Variants in ADAMTS9 observed in about 807,000 individuals in gnomAD.
The protein encoded by ADAMTS9 is A disintegrin and metalloproteinase with thrombospondin motifs 9.
Under a neutral mutation model 257.1 loss-of-function variants are expected in ADAMTS9, and 107 were observed. The observed-to-expected ratio is 0.42, with a 90% confidence interval of 0.36 to 0.49. ADAMTS9 has a LOEUF of 0.49. Ranked by LOEUF, ADAMTS9 falls within the 20% of genes least tolerant of loss-of-function variation. The pLI, the probability that ADAMTS9 is intolerant of heterozygous loss-of-function variation, is 0.03. For missense variants in ADAMTS9, 2,353 were observed against 2,469.1 expected, an observed-to-expected ratio of 0.95 and a Z score of 1.00; for synonymous variants, 982 against 880.9, an observed-to-expected ratio of 1.11 and a Z score of -2.03.
intron 3 of ADAMTS9, among the ~76,000 whole-genome samples, chr3:64,677,088 G>A (rs1007631096): frequency 3.9e-5 from 6 of 152,136 alleles, no homozygotes; most frequent in African/African-American, 1.2e-4. Flanking sequence ...GCAGGAAGTG[G>A]CTTATAAAAG....
chr3:64,619,874 G>A (rs768647809), intron 19 of ADAMTS9, among the ~76,000 whole-genome samples: 29 of 152,128 alleles, frequency 1.9e-4, no homozygotes, highest in Admixed American at 7.2e-4. Context: ...TCAGTTTAGC[G>A]GTTAGTTAAC....
rs370504437 is a variant in ADAMTS9 at position 64,604,107 on chromosome 3, A to C, written c.3580-18T>G. On this transcript the variant is annotated intron_variant, in intron 24 of 39. Coordinates refer to ENST00000498707, the MANE Select transcript of ADAMTS9 (RefSeq NM_182920.2). ...GCTGAGCACTGGGTGTTGGAGTAAAATCATGCAGTTATATTACGTGGAATG... is the reference window on the plus strand; with the variant it reads ...GCTGAGCACTGGGTGTTGGAGTAAACTCATGCAGTTATATTACGTGGAATG... 1.9e-6 allele frequency: 3 copies of C among 1,613,574 alleles called. No homozygotes were observed. The African/African-American group carries it at 4.0e-5, about 22-fold the overall frequency.
chr3:64,520,328 T>C (rs142984761), intron 39 of ADAMTS9, among the ~76,000 whole-genome samples: 266 of 152,308 alleles, frequency 1.7e-3, no homozygotes, highest in African/African-American at 6.0e-3. Flanking sequence ...TGCTCATCTA[T>C]TGGAAGAATC....
chr3:64,678,601 G>A (rs1473436063), intron 3 of ADAMTS9, among the ~76,000 whole-genome samples: 1 of 152,118 alleles, frequency 6.6e-6, no homozygotes, highest in African/African-American at 2.4e-5. Context: ...CTCTTGATTG[G>A]GGGTTGGGAG....
intron 19 of ADAMTS9, among the ~76,000 whole-genome samples, chr3:64,618,786 C>A (rs1044317056): frequency 6.6e-6 from 1 of 152,102 alleles, no homozygotes; most frequent in Admixed American, 6.6e-5. Flanking sequence ...TGTAACTCCA[C>A]GTAAACCAAT....
chr3:64,687,321 G>A lies in ADAMTS9; in HGVS notation c.115+222C>T, dbSNP rs1701941777. On this transcript the variant is annotated intron_variant, in intron 1 of 39. Coordinates refer to ENST00000498707, the MANE Select transcript of ADAMTS9 (RefSeq NM_182920.2). This position sits in a 1 kb window ranked among gnomAD's most constrained non-coding sequence, Gnocchi z 4.4. ...TGGGAGTGGGGATGGGGATATATCT[G>A]GCAACAGCAAGGTAGGGGGGGGTTG... Among the ~76,000 whole-genome samples, 2 of 152,126 alleles carry A rather than the reference G, an allele frequency of 1.3e-5. No homozygotes were observed. The highest frequency in any genetic ancestry group is 4.1e-4 in the South Asian group (2 of 4,830).
chr3:64,621,820 G>A (rs1000395124), intron 18 of ADAMTS9, among the ~76,000 whole-genome samples: 2 of 151,096 alleles, frequency 1.3e-5, no homozygotes, highest in African/African-American at 4.9e-5. Flanking sequence ...GAAAAAAAAG[G>A]TAGGCGGTAG....
intron 38 of ADAMTS9, among the ~76,000 whole-genome samples, chr3:64,529,534 G>A (rs182526673): frequency 2.0e-5 from 3 of 152,204 alleles, no homozygotes; most frequent in African/African-American, 7.2e-5. Context: ...ACTGGCCAGG[G>A]TCTGAGCATC....
At chr3:64,536,192 C>T (rs140605918) in intron 37 of ADAMTS9, among the ~76,000 whole-genome samples, 2 of 152,318 alleles carry the variant, frequency 1.3e-5, no homozygotes, top group African/African-American at 2.4e-5. Context: ...AGATCATCCT[C>T]CTCATTCTCC....
intron 3 of ADAMTS9, among the ~76,000 whole-genome samples, chr3:64,661,559 C>T (rs1047388948): frequency 1.3e-5 from 2 of 152,146 alleles, no homozygotes; most frequent in South Asian, 4.1e-4. Flanking sequence ...AGGAATCAGT[C>T]GTAGATTTGC....
At position 64,665,411 on chromosome 3, in the gene ADAMTS9, G is replaced by A. The variant is rs528431632; in HGVS notation, c.680-6620C>T. Among the ~76,000 whole-genome samples the A allele has an allele frequency of 9.2e-4, 140 of 152,298 alleles. 3 individuals are homozygous for A. The highest frequency in any genetic ancestry group is 3.1e-3 in the African/African-American group (128 of 41,584). ...CCTCCGTCCTCCCACTTACAATGTG[G>A]AGTAAGAACAGTACCTATTTCATAG... On this transcript the variant is annotated intron_variant, in intron 3 of 39. Coordinates refer to ENST00000498707, the MANE Select transcript of ADAMTS9 (RefSeq NM_182920.2).
chr3:64,653,967 T>C (rs930463221), intron 8 of ADAMTS9, among the ~76,000 whole-genome samples: 3 of 145,094 alleles, frequency 2.1e-5, no homozygotes, highest in Admixed American at 7.3e-5. Flanking sequence ...GCCACAGTAA[T>C]GGTGGGGGAC....
At position 64,651,084 on chromosome 3, in the gene ADAMTS9, G is replaced by T. The variant is rs1280733421; in HGVS notation, c.1396C>A (p.Leu466Met). 2.5e-6 allele frequency: 4 copies of T among 1,607,738 alleles called. No homozygotes were observed. The highest frequency in any genetic ancestry group is 3.4e-5 in the Admixed American group (2 of 58,528). The part of the protein sequence containing the change: ...KSPQHVMAPT[L>M]NFYTNPWMWS... ...ATCCAGGGGTTGGTGTAGAAGTTCA[G>T]TGTTGGAGCCATGACATGCTGGGGA... Residue 466 changes from leucine (L) to methionine (M), a missense_variant, in exon 9 of 40, where the codon CTG becomes ATG. By Grantham distance (15) the Leu-to-Met change is conservative (BLOSUM62 2). Coordinates refer to ENST00000498707, the MANE Select transcript of ADAMTS9 (RefSeq NM_182920.2).
At chr3:64,582,641 G>A (rs968722540) in intron 28 of ADAMTS9, 10 of 152,272 alleles carry the variant, frequency 6.6e-5, no homozygotes, top group East Asian at 1.9e-4. Flanking sequence ...TGTCACAACC[G>A]AGGGGGTATG....
At chr3:64,598,339 G>A (rs1179414024) in intron 26 of ADAMTS9, among the ~76,000 whole-genome samples, 1 of 145,738 alleles carries the variant, frequency 6.9e-6, no homozygotes, top group Non-Finnish European at 1.5e-5. Flanking sequence ...TTTTTTTGAG[G>A]TGGGGTTTTG....
At chr3:64,542,002 T>C in intron 32 of ADAMTS9, 32 bp from the exon 33 acceptor site, 1 of 1,613,282 alleles carries the variant, frequency 6.2e-7, no homozygotes, top group African/African-American at 1.3e-5. Flanking sequence ...GCGGTGTGGC[T>C]ATGGAATGTG....
Position 64,646,721 on chromosome 3 carries a change from C to T in ADAMTS9, c.1710+1219G>A, listed in dbSNP as rs150392160. Among the ~76,000 whole-genome samples, 767 of 152,260 alleles carry T rather than the reference C, an allele frequency of 5.0e-3. 1 individual carries two copies. The highest frequency in any genetic ancestry group is 8.8e-3 in the Non-Finnish European group (597 of 68,014). ...TTTTAAACTTTCATATCCTCAGGATCCTTTAACACTGAAAAAACCACTAGT... is the reference window on the plus strand; with the variant it reads ...TTTTAAACTTTCATATCCTCAGGATTCTTTAACACTGAAAAAACCACTAGT... On this transcript the variant is annotated intron_variant, in intron 11 of 39. Coordinates refer to ENST00000498707, the MANE Select transcript of ADAMTS9 (RefSeq NM_182920.2).
intron 25 of ADAMTS9, among the ~76,000 whole-genome samples, chr3:64,602,424 C>A (rs2084480370): frequency 6.6e-6 from 1 of 152,150 alleles, no homozygotes; most frequent in Non-Finnish European, 1.5e-5. Flanking sequence ...CAAAATATAA[C>A]CCTTTACAAC....
At chr3:64,620,104 G>A (rs1339060649) in intron 19 of ADAMTS9, among the ~76,000 whole-genome samples, 1 of 151,972 alleles carries the variant, frequency 6.6e-6, no homozygotes, top group Non-Finnish European at 1.5e-5. Context: ...GTGACACTGG[G>A]TAGAGGCTAG....
Sources: allele counts gnomAD v4.1 joint callset (sites outside exome capture counted in the v4.1 genomes callset), GRCh38; gene constraint gnomAD v4.1.1; non-coding constraint Gnocchi (gnomAD v3.1); transcripts MANE v1.5; gene names NCBI Gene and HGNC (gene_info 2026-07-23, HGNC 2026-07-21).